Variants in EVI5 observed in about 807,000 individuals in gnomAD.
The protein encoded by EVI5 is ecotropic viral integration site 5.
In EVI5, 73 loss-of-function variants were observed where a neutral mutation model predicts 112.0. The observed-to-expected ratio is 0.65, with a 90% CI of 0.54 to 0.79. The LOEUF is 0.79. Among genes scored for constraint, EVI5 ranks in the 30% least tolerant of loss-of-function variants. The probability of loss-of-function intolerance (pLI) is 0.00; values close to 1 mark genes in which losing one functional copy is unlikely to be tolerated. For missense variants in EVI5, 900 were observed against 968.8 expected (o/e 0.93, Z 0.94); for synonymous variants, 305 against 319.9 (o/e 0.95, Z 0.50).
intron 19 of EVI5, among the ~76,000 whole-genome samples, chr1:92,528,294 G>A (rs546756951): frequency 5.9e-5 from 9 of 152,318 alleles, no homozygotes; most frequent in African/African-American, 2.2e-4. Flanking sequence ...ATCGACTAAA[G>A]TTGAATGTCT....
At chr1:92,666,096 G>A (rs1241259514) in intron 10 of EVI5, 104 bp from the exon 11 acceptor site, 4 of 691,940 alleles carry the variant, frequency 5.8e-6, no homozygotes, top group South Asian at 1.8e-5. Context: ...AATAAGAAAG[G>A]AGTCTAAGGA....
intron 1 of EVI5, among the ~76,000 whole-genome samples, chr1:92,781,465 AC>A (rs1684851681): frequency 6.6e-6 from 1 of 151,814 alleles, no homozygotes; most frequent in Non-Finnish European, 1.5e-5. Context: ...GTGTTCTGAG[AC>A]TGCACCACTG....
chr1:92,738,298 C>T (rs1039424076), intron 1 of EVI5, among the ~76,000 whole-genome samples: 1 of 152,002 alleles, frequency 6.6e-6, no homozygotes, highest in South Asian at 2.1e-4. Flanking sequence ...GGCACAAATT[C>T]GCATCCCCAA....
chr1:92,597,054 C>A (rs6603997), intron 18 of EVI5, among the ~76,000 whole-genome samples: 2 of 151,868 alleles, frequency 1.3e-5, no homozygotes, highest in East Asian at 1.9e-4. Context: ...ATGAGTGAAC[C>A]AACAAATACA....
intron 17 of EVI5, among the ~76,000 whole-genome samples, chr1:92,606,817 T>A (rs1043836465): frequency 6.6e-6 from 1 of 151,862 alleles, no homozygotes; most frequent in Non-Finnish European, 1.5e-5. Context: ...AGTTTATTTT[T>A]TTAAATCCCA....
In EVI5 at chr1:92,512,437, T is replaced by C. The variant is rs1659242546; in HGVS notation, c.*1219A>G. The C allele has an allele frequency of 6.6e-6, 1 of 152,260 alleles. No homozygotes were observed. The highest frequency in any genetic ancestry group is 2.4e-5 in the African/African-American group (1 of 41,472). 9.4% of individuals were successfully genotyped at this position (152,260 alleles called of 1,614,324 possible). A position where few individuals can be genotyped will look rare whatever the true frequency, so the allele number is the denominator to read the frequency against. ...GAACAGGCATCAGTTATGAATCTGCTAGTATTGAATGCTAAGCAAAATACT... is the reference window on the plus strand; with the variant it reads ...GAACAGGCATCAGTTATGAATCTGCCAGTATTGAATGCTAAGCAAAATACT... On this transcript the variant is annotated 3_prime_UTR_variant, in exon 20 of 20. Transcript: ENST00000684568.
chr1:92,605,358 G>A lies in EVI5; in HGVS notation c.2019C>T (p.Ser673=), dbSNP rs1650143572. 6.8e-6 allele frequency: 11 copies of A among 1,613,598 alleles called. No homozygotes were observed. The East Asian group carries it at 2.5e-4, about 36-fold the overall frequency. The part of the protein sequence containing the change: ...VMAVRLREAD[S]IAAVAELRQH... ...GTCGTAGTTCAGCCACAGCAGCTAT[G>A]CTATCTGCTTCCCGAAGCCTCACAG... The change falls in exon 18 of 20, where the codon AGC becomes AGT. Residue 673 remains serine (S), a synonymous_variant. Coordinates refer to ENST00000684568, the MANE Select transcript of EVI5 (RefSeq NM_001350197.2).
intron 14 of EVI5, among the ~76,000 whole-genome samples, chr1:92,630,246 G>C (rs544728150): frequency 1.4e-3 from 207 of 152,280 alleles, no homozygotes; most frequent in Non-Finnish European, 2.0e-3. Flanking sequence ...TCGCCACACT[G>C]ACTTCCACAA....
intron 9 of EVI5, among the ~76,000 whole-genome samples, chr1:92,683,329 G>T (rs900520839): frequency 3.3e-5 from 5 of 152,156 alleles, no homozygotes; most frequent in African/African-American, 1.2e-4. Context: ...GGTTCTGACT[G>T]TTAGAAGAAA....
rs897873724 is a variant in EVI5 at position 92,675,825 on chromosome 1, G to A, written c.1158+1333C>T. 1.8e-4 allele frequency among the ~76,000 whole-genome samples: 28 copies of A among 151,712 alleles called. 1 individual carries two copies. Among genetic ancestry groups the A allele is most frequent in the African/African-American group, 4.8e-4 (20 of 41,332 alleles). On this transcript the variant is annotated intron_variant, in intron 10 of 19. Coordinates refer to ENST00000684568, the MANE Select transcript of EVI5 (RefSeq NM_001350197.2). ...CAAAAAATTAGGCGGGCTTGGTGGC[G>A]GGCGCCTGTAGTCCCAGCTACTTGG...
intron 13 of EVI5, among the ~76,000 whole-genome samples, chr1:92,643,291 CTTTT>C (rs34807551): frequency 0.026 from 3,253 of 123,070 alleles, 48 homozygotes; most frequent in Admixed American, 0.034. Flanking sequence ...TAACTCAAAT[CTTTT>C]TTTTTTTTTT....
At chr1:92,689,728 T>G (rs1442435811) in intron 9 of EVI5, among the ~76,000 whole-genome samples, 1 of 152,128 alleles carries the variant, frequency 6.6e-6, no homozygotes, top group African/African-American at 2.4e-5. Flanking sequence ...TTGGCAAAAT[T>G]TTGTGATGTT....
At chr1:92,748,523 A>G (rs1679666795) in intron 1 of EVI5, among the ~76,000 whole-genome samples, 1 of 152,226 alleles carries the variant, frequency 6.6e-6, no homozygotes, top group Admixed American at 6.5e-5. Context: ...GAAGCCATTA[A>G]GTTTCATGGT....
intron 19 of EVI5, among the ~76,000 whole-genome samples, chr1:92,514,561 T>C (rs1254277603): frequency 6.6e-6 from 1 of 152,190 alleles, no homozygotes; most frequent in Non-Finnish European, 1.5e-5. Context: ...GAAGAGTAAC[T>C]TGCTAAGGAC....
Position 92,663,438 on chromosome 1 carries a change from C to A in EVI5, c.1227G>T (p.Leu409Phe). ...ACTATACCTGTATCAATCTATCTGC[C>A]AAGGAAGCACTTTCCTACAAAAGGA... Reference protein sequence around the residue: ...IETLEKESASLADRLIQGQVT... With the variant: ...IETLEKESASFADRLIQGQVT... Residue 409 changes from leucine to phenylalanine, a missense_variant, in exon 12 of 20, where the codon TTG becomes TTT. Transcript: ENST00000684568. 7.0e-7 allele frequency: 1 copy of A among 1,419,582 alleles called. No homozygotes were observed. Among genetic ancestry groups the A allele is most frequent in the Non-Finnish European group, 9.4e-7 (1 of 1,063,578 alleles). The allele number at this position is 1,419,582 out of a possible 1,614,324, so 87.9% of individuals were successfully genotyped here.
intron 17 of EVI5, among the ~76,000 whole-genome samples, chr1:92,606,606 A>G (rs550666407): frequency 6.6e-6 from 1 of 152,346 alleles, no homozygotes; most frequent in East Asian, 1.9e-4. Context: ...CATATTTATA[A>G]GGATGTAATT....
At chr1:92,658,677 A>G (rs549739701) in intron 13 of EVI5, among the ~76,000 whole-genome samples, 1 of 152,314 alleles carries the variant, frequency 6.6e-6, no homozygotes, top group South Asian at 2.1e-4. Flanking sequence ...TACAGAGTCA[A>G]TGTATTTCCT....
chr1:92,702,040 C>T (rs1490520296), intron 5 of EVI5, 101 bp downstream of exon 5: 9 of 579,128 alleles, frequency 1.6e-5, no homozygotes, highest in Non-Finnish European at 2.7e-5. Flanking sequence ...GAAAAAATAC[C>T]CATATCCACT....
chr1:92,665,948 T>G lies in EVI5; in HGVS notation c.1203A>C (p.Thr401=), dbSNP rs990485992. 2.5e-6 allele frequency: 4 copies of G among 1,603,490 alleles called. No individual in the cohort carries two copies. The highest frequency in any genetic ancestry group is 3.4e-6 in the Non-Finnish European group (4 of 1,175,980). ...ENRLLKQRIE[T]LEKESASLAD... ...GTAGTCACTTACTTACTTTTTCTAA[T>G]GTCTCGATGCGCTGTTTTAAAAGTC... The change falls in exon 11 of 20, where the codon ACA becomes ACC. Residue 401 remains threonine, a synonymous_variant. Transcript: ENST00000684568.
Sources: allele counts gnomAD v4.1 joint callset (sites outside exome capture counted in the v4.1 genomes callset), GRCh38; gene constraint gnomAD v4.1.1; transcripts MANE v1.5; gene names NCBI Gene and HGNC (gene_info 2026-07-23, HGNC 2026-07-21).